Variants in DLC1 observed in about 807,000 individuals in gnomAD.
The protein encoded by DLC1 is rho GTPase-activating protein 7.
Under a neutral mutation model 140.3 loss-of-function variants are expected in DLC1, and 54 were observed. That is an observed-to-expected ratio of 0.38 (90% CI 0.31 to 0.48). The LOEUF is 0.48. Among genes scored for constraint, DLC1 ranks in the 20% least tolerant of loss-of-function variants. DLC1 has a pLI of 0.96. For missense variants in DLC1, 2,536 were observed against 1,907.0 expected (o/e 1.33, Z -6.14); for synonymous variants, 986 against 728.1 (o/e 1.35, Z -5.70).
upstream of DLC1, among the ~76,000 whole-genome samples, chr8:13,516,659 A>T (rs187575741): frequency 6.6e-6 from 1 of 152,364 alleles, no homozygotes; most frequent in Admixed American, 6.5e-5. Context: ...TTATTGACTA[A>T]AAACATGAGC....
At chr8:13,540,955 C>A (rs1236598598) in intron 1 of DLC1, among the ~76,000 whole-genome samples, 1 of 152,238 alleles carries the variant, frequency 6.6e-6, no homozygotes, top group Non-Finnish European at 1.5e-5. Flanking sequence ...CCACAATTCT[C>A]TCTGAGAGAC....
At chr8:13,470,455 G>A (rs1800153500) in intron 2 of DLC1, among the ~76,000 whole-genome samples, 1 of 152,038 alleles carries the variant, frequency 6.6e-6, no homozygotes. Flanking sequence ...AATGGACAAA[G>A]GACATGAATA....
chr8:13,294,405 C>G (rs1831870769), intron 5 of DLC1, among the ~76,000 whole-genome samples: 1 of 152,100 alleles, frequency 6.6e-6, no homozygotes. Context: ...CAAAAACGAC[C>G]AGTTCAGACT....
intron 4 of DLC1, among the ~76,000 whole-genome samples, chr8:13,323,354 T>A (rs907569678): frequency 2.0e-5 from 3 of 152,210 alleles, no homozygotes; most frequent in Non-Finnish European, 4.4e-5. Flanking sequence ...TTCTTAAAGC[T>A]CCTTTAGAAG....
chr8:13,381,396 C>T (rs1490865268), intron 4 of DLC1, among the ~76,000 whole-genome samples: 1 of 152,224 alleles, frequency 6.6e-6, no homozygotes, highest in Admixed American at 6.5e-5. Context: ...ATCTGCAATA[C>T]ATCCTCCAGT....
intron 1 of DLC1, among the ~76,000 whole-genome samples, chr8:13,593,860 T>C (rs778090803): frequency 4.6e-5 from 7 of 152,164 alleles, no homozygotes; most frequent in Non-Finnish European, 1.0e-4. Context: ...GGTGTTCTCA[T>C]GCTGGATGTA....
intron 1 of DLC1, among the ~76,000 whole-genome samples, chr8:13,599,849 A>G (rs1446597482): frequency 2.0e-5 from 3 of 151,990 alleles, no homozygotes; most frequent in Non-Finnish European, 4.4e-5. Flanking sequence ...AAATTTTTAT[A>G]TGATAACTAA....
At chr8:13,171,350 G>A (rs977300178) in intron 5 of DLC1, among the ~76,000 whole-genome samples, 7 of 152,130 alleles carry the variant, frequency 4.6e-5, no homozygotes, top group Admixed American at 1.3e-4. Flanking sequence ...ACTAGGGACC[G>A]AAATAACTCA....
At chr8:13,400,270 T>C (rs1453354197) in intron 3 of DLC1, among the ~76,000 whole-genome samples, 1 of 152,170 alleles carries the variant, frequency 6.6e-6, no homozygotes, top group Non-Finnish European at 1.5e-5. Context: ...AAATATGTAC[T>C]CTGTGCTTGA....
At chr8:13,192,269 T>C (rs574729536) in intron 5 of DLC1, among the ~76,000 whole-genome samples, 2 of 152,164 alleles carry the variant, frequency 1.3e-5, no homozygotes, top group Admixed American at 1.3e-4. Context: ...TATTCTTGTA[T>C]GTCAGGAAGG....
chr8:13,555,809 AT>A (rs78986507), intron 1 of DLC1, among the ~76,000 whole-genome samples: 69 of 146,692 alleles, frequency 4.7e-4, no homozygotes, highest in East Asian at 1.6e-3. Flanking sequence ...GCCTTGTAGC[AT>A]TTTTTTTTTT....
chr8:13,329,494 T>G (rs1408093388), intron 4 of DLC1, among the ~76,000 whole-genome samples: 1 of 152,108 alleles, frequency 6.6e-6, no homozygotes, highest in Non-Finnish European at 1.5e-5. Flanking sequence ...ATATGGTAAA[T>G]TCTATCAATA....
intron 5 of DLC1, among the ~76,000 whole-genome samples, chr8:13,135,008 TGGA>T (rs1658371984): frequency 6.6e-6 from 1 of 151,638 alleles, no homozygotes; most frequent in Non-Finnish European, 1.5e-5. Flanking sequence ...GCCCAGGAAA[TGGA>T]GATCTGATCT....
At chr8:13,435,192 G>A (rs1839063681) in intron 2 of DLC1, among the ~76,000 whole-genome samples, 1 of 152,190 alleles carries the variant, frequency 6.6e-6, no homozygotes. Flanking sequence ...CCTCATGGAT[G>A]ACTTTGAGGG....
chr8:13,305,158 C>A, intron 5 of DLC1, 111 bp downstream of exon 5: 3 of 1,430,794 alleles, frequency 2.1e-6, no homozygotes, highest in South Asian at 1.6e-5. Flanking sequence ...AACATTTTCC[C>A]ATATATTCAT....
intron 5 of DLC1, among the ~76,000 whole-genome samples, chr8:13,153,896 G>T (rs953697425): frequency 6.6e-6 from 1 of 151,772 alleles, no homozygotes; most frequent in Non-Finnish European, 1.5e-5. Context: ...TAGACATAAA[G>T]GTTCTCCAAG....
intron 5 of DLC1, among the ~76,000 whole-genome samples, chr8:13,268,404 T>C (rs1329101223): frequency 6.6e-6 from 1 of 152,066 alleles, no homozygotes; most frequent in African/African-American, 2.4e-5. Context: ...AAGCTCCGCC[T>C]CCCAGGTTCA....
At chr8:13,483,908 C>A (rs899476480) in intron 2 of DLC1, among the ~76,000 whole-genome samples, 35 of 151,890 alleles carry the variant, frequency 2.3e-4, no homozygotes, top group Non-Finnish European at 4.4e-5. Context: ...AGGGTGAACC[C>A]AAATCTCTAC....
intron 1 of DLC1, among the ~76,000 whole-genome samples, chr8:13,521,554 C>T (rs1380376972): frequency 6.6e-6 from 1 of 152,094 alleles, no homozygotes; most frequent in Non-Finnish European, 1.5e-5. Context: ...GTCTTCAGTC[C>T]CCTCAAAATA....
Sources: gnomAD v4.1 joint callset for allele counts (sites outside exome capture counted in the v4.1 genomes callset) on GRCh38, gnomAD v4.1.1 for gene constraint, MANE v1.5 for transcripts, NCBI Gene and HGNC (gene_info 2026-07-23, HGNC 2026-07-21) for gene names.